Variants in SPECC1 observed in about 807,000 individuals in gnomAD.
SPECC1 encodes sperm antigen with calponin homology and coiled-coil domains 1, also known as cytospin-B.
In SPECC1, 62 loss-of-function variants were observed where a neutral mutation model predicts 104.1. The observed-to-expected ratio is 0.60, with a 90% CI of 0.49 to 0.74. The LOEUF (loss-of-function observed/expected upper bound fraction) is 0.74, where lower values mean the gene tolerates loss of function less well. Among genes scored for constraint, SPECC1 ranks in the 30% least tolerant of loss-of-function variants. SPECC1 has a pLI of 0.00. For synonymous variants in SPECC1, 513 were observed against 501.6 expected, an observed-to-expected ratio of 1.02 and a Z score of -0.30; for missense variants, 1,306 against 1,310.5, an observed-to-expected ratio of 1.00 and a Z score of 0.05.
At chr17:20,108,805 G>A (rs528764536) in intron 2 of SPECC1, among the ~76,000 whole-genome samples, 1 of 152,346 alleles carries the variant, frequency 6.6e-6, no homozygotes, top group African/African-American at 2.4e-5. Flanking sequence ...TCTCTTGGGT[G>A]CGGATCTAGG....
chr17:20,213,276 T>TTCCTG (rs1361165250), intron 4 of SPECC1, among the ~76,000 whole-genome samples: 2 of 152,092 alleles, frequency 1.3e-5, no homozygotes, highest in Non-Finnish European at 2.9e-5. Context: ...TATTTTTATT[T>TTCCTG]TCATAGAGAC....
intron 12 of SPECC1, among the ~76,000 whole-genome samples, chr17:20,261,729 G>A (rs1356366125): frequency 2.0e-5 from 3 of 152,144 alleles, no homozygotes; most frequent in African/African-American, 7.2e-5. Flanking sequence ...GACAGTATCT[G>A]TTTTCTGTGA....
At chr17:20,113,962 A>G (rs1290725933) in intron 3 of SPECC1, among the ~76,000 whole-genome samples, 1 of 152,208 alleles carries the variant, frequency 6.6e-6, no homozygotes, top group Non-Finnish European at 1.5e-5. Context: ...CTGCAATCAA[A>G]GCTTACACAA....
intron 10 of SPECC1, among the ~76,000 whole-genome samples, chr17:20,255,218 T>G (rs2039781518): frequency 6.6e-6 from 1 of 151,738 alleles, no homozygotes; most frequent in African/African-American, 2.4e-5. Context: ...AAGTCAAGAG[T>G]GTAAGAACAA....
intron 3 of SPECC1, among the ~76,000 whole-genome samples, chr17:20,150,289 CT>C (rs919826782): frequency 5.8e-4 from 82 of 140,272 alleles, no homozygotes; most frequent in Admixed American, 5.7e-4. Context: ...GGCCTTTTTT[CT>C]TTTTTTTTTT....
chr17:20,154,682 A>G (rs2032302870), intron 3 of SPECC1, among the ~76,000 whole-genome samples: 2 of 152,226 alleles, frequency 1.3e-5, no homozygotes, highest in South Asian at 4.1e-4. Context: ...CTTTAGAAGC[A>G]TCACTCTCAC....
intron 12 of SPECC1, among the ~76,000 whole-genome samples, chr17:20,260,582 A>T (rs1021490550): frequency 6.6e-6 from 1 of 152,194 alleles, no homozygotes; most frequent in African/African-American, 2.4e-5. Flanking sequence ...CTTTGGTCAG[A>T]GTGTTACTGG....
intron 3 of SPECC1, chr17:20,155,308 A>G (rs1233430510): frequency 6.6e-6 from 1 of 152,180 alleles, no homozygotes; most frequent in African/African-American, 2.4e-5. Flanking sequence ...GATGCGTGAC[A>G]CCTGAGAATG....
At chr17:20,105,479 A>T (rs1274750165) in intron 2 of SPECC1, among the ~76,000 whole-genome samples, 1 of 152,048 alleles carries the variant, frequency 6.6e-6, no homozygotes, top group Non-Finnish European at 1.5e-5. Context: ...GATTGCAGGG[A>T]ACCTCCTATA....
intron 1 of SPECC1, among the ~76,000 whole-genome samples, chr17:20,080,497 T>A (rs1193224966): frequency 6.6e-6 from 1 of 152,012 alleles, no homozygotes; most frequent in Admixed American, 6.6e-5. Context: ...GGCCTCCTTA[T>A]AACGAGAAGA....
intron 7 of SPECC1, chr17:20,238,382 A>C: frequency 9.6e-7 from 1 of 1,041,758 alleles, no homozygotes. Context: ...AATCCAATTC[A>C]GCAACCTCCA....
chr17:20,202,838 A>G (rs531201305), intron 3 of SPECC1, among the ~76,000 whole-genome samples: 26 of 152,338 alleles, frequency 1.7e-4, no homozygotes, highest in East Asian at 9.6e-4. Flanking sequence ...TTAAAAGTCT[A>G]TGATATACTC....
At chr17:20,029,550 C>G (rs911707600) in intron 1 of SPECC1, among the ~76,000 whole-genome samples, 1 of 152,110 alleles carries the variant, frequency 6.6e-6, no homozygotes, top group African/African-American at 2.4e-5. Context: ...TCTTCTGGGC[C>G]TGGGATTTTC....
chr17:20,298,921 A>AGAGAGAGAGAG (rs1555535542), intron 13 of SPECC1, among the ~76,000 whole-genome samples: 6 of 72,794 alleles, frequency 8.2e-5, no homozygotes, highest in East Asian at 3.8e-3. Context: ...GCAGAACCAA[A>AGAGAGAGAGAG]AGAGAGAGAG....
Position 20,156,647 on chromosome 17 carries a change from C to A in SPECC1, c.283+46085C>A, listed in dbSNP as rs375532586. 5.3e-5 allele frequency among the ~76,000 whole-genome samples: 8 copies of A among 152,174 alleles called. No individual in the cohort carries two copies. In the East Asian group the frequency reaches 1.2e-3, roughly 22 times the overall value. ...GCCCCGCAGTTTGTGGCGCCCGCGG[C>A]TCTGCCCCTCACACTCACGCCAGGG... On this transcript the variant is annotated intron_variant, in intron 3 of 14. Transcript: ENST00000395527.
chr17:20,273,935 C>T (rs943768055), intron 12 of SPECC1, among the ~76,000 whole-genome samples: 1 of 152,234 alleles, frequency 6.6e-6, no homozygotes, highest in South Asian at 2.1e-4. Flanking sequence ...TGGGGCTTCA[C>T]GAGGGGGTGA....
At chr17:20,161,481 TGGAA>T (rs1461046236) in intron 3 of SPECC1, among the ~76,000 whole-genome samples, 2 of 152,008 alleles carry the variant, frequency 1.3e-5, no homozygotes, top group East Asian at 3.8e-4. Context: ...ATTCTAAAAA[TGGAA>T]GGCCTATCAG....
At chr17:20,303,738 A>T (rs1424817563) in intron 13 of SPECC1, among the ~76,000 whole-genome samples, 1 of 152,122 alleles carries the variant, frequency 6.6e-6, no homozygotes, top group Non-Finnish European at 1.5e-5. Flanking sequence ...GGATCACCTG[A>T]GGTCAGGAGT....
At chr17:20,298,109 T>C (rs1319517409) in intron 13 of SPECC1, among the ~76,000 whole-genome samples, 1 of 152,080 alleles carries the variant, frequency 6.6e-6, no homozygotes. Flanking sequence ...CCCAGTACTT[T>C]GGGAGGCCGA....
Sources: allele counts gnomAD v4.1 joint callset (sites outside exome capture counted in the v4.1 genomes callset), GRCh38; gene constraint gnomAD v4.1.1; transcripts MANE v1.5; gene names NCBI Gene and HGNC (gene_info 2026-07-23, HGNC 2026-07-21).